EPB41L4A: variants seen among roughly 807,000 people sequenced by gnomAD.
EPB41L4A encodes the protein erythrocyte membrane protein band 4.1 like 4A, also known as band 4.1-like protein 4A.
A neutral mutation model predicts 108.6 loss-of-function variants in EPB41L4A; 100 were observed. That is an observed-to-expected ratio of 0.92 (90% confidence interval 0.78 to 1.09). EPB41L4A has a LOEUF of 1.09. Ranked by LOEUF, EPB41L4A falls within the 50% of genes least tolerant of loss-of-function variation. The pLI, the probability that EPB41L4A is intolerant of heterozygous loss-of-function variation, is 0.00. For synonymous variants in EPB41L4A, 319 were observed against 289.0 expected, an observed-to-expected ratio of 1.10 and a Z score of -1.05; for missense variants, 1,030 against 842.7, an observed-to-expected ratio of 1.22 and a Z score of -2.75.
At chr5:112,270,478 G>C (rs1294818039) in intron 4 of EPB41L4A, among the ~76,000 whole-genome samples, 1 of 152,108 alleles carries the variant, frequency 6.6e-6, no homozygotes, top group Non-Finnish European at 1.5e-5. Context: ...AAATAATGCA[G>C]AAAAATGGCA....
chr5:112,308,643 G>A (rs1754844993), intron 1 of EPB41L4A, among the ~76,000 whole-genome samples: 1 of 151,844 alleles, frequency 6.6e-6, no homozygotes, highest in African/African-American at 2.4e-5. Context: ...GAATCTTTAG[G>A]TTACTGGACA....
chr5:112,385,056 C>CT (rs1266782677), intron 1 of EPB41L4A, among the ~76,000 whole-genome samples: 3 of 152,094 alleles, frequency 2.0e-5, no homozygotes, highest in Admixed American at 2.0e-4. Flanking sequence ...TCAGCTTTAT[C>CT]TTTTTTAAGG....
At chr5:112,413,867 G>C (rs1762552799) in intron 1 of EPB41L4A, among the ~76,000 whole-genome samples, 1 of 152,210 alleles carries the variant, frequency 6.6e-6, no homozygotes, top group African/African-American at 2.4e-5. Flanking sequence ...AGATCAGGTA[G>C]GGTGCTAAGT....
In EPB41L4A at chr5:112,339,486, A is replaced by C. The variant is rs867687343; in HGVS notation, c.100-31996T>G. Among the ~76,000 whole-genome samples, 11 of 72,670 alleles carry C rather than the reference A, an allele frequency of 1.5e-4. 1 individual carries two copies. Among genetic ancestry groups the C allele is most frequent in the African/African-American group, 2.9e-4 (6 of 20,790 alleles). 47.7% of individuals were successfully genotyped at this position (72,670 alleles called of 152,430 possible). A position where few individuals can be genotyped will look rare whatever the true frequency, so the allele number is the denominator to read the frequency against. Reference sequence around the variant, plus strand: ...GATATATATATATCTATATATATATATATATATATCTATATATATATATAG... The same window carrying C: ...GATATATATATATCTATATATATATCTATATATATCTATATATATATATAG... On this transcript the variant is annotated intron_variant, in intron 1 of 22. Coordinates refer to ENST00000261486, the MANE Select transcript of EPB41L4A (RefSeq NM_022140.5).
rs1427380112 is a variant in EPB41L4A, at chr5:112,264,987, G to A, written c.463C>T (p.His155Tyr). 1.9e-6 allele frequency: 3 copies of A among 1,605,158 alleles called. No individual in the cohort carries two copies. The highest frequency in any genetic ancestry group is 2.5e-6 in the Non-Finnish European group (3 of 1,177,128). The part of the protein sequence containing the change: ...SELGDYDPYK[H>Y]TAGYVSEYRF... ...TACTCAGATACATATCCTGCAGTAT[G>A]TTTATATGGGTCATAATCTCCAAGC... Residue 155 changes from histidine (H) to tyrosine (Y), a missense_variant, in exon 6 of 23, where the codon CAT (histidine) becomes TAT (tyrosine). Coordinates refer to ENST00000261486, the MANE Select transcript of EPB41L4A (RefSeq NM_022140.5).
chr5:112,319,637 A>G (rs2150618531), intron 1 of EPB41L4A, among the ~76,000 whole-genome samples: 1 of 152,366 alleles, frequency 6.6e-6, no homozygotes, highest in East Asian at 1.9e-4. Flanking sequence ...ATTGAGGGAC[A>G]TTGTGCAAAA....
intron 18 of EPB41L4A, among the ~76,000 whole-genome samples, chr5:112,180,921 T>C (rs558179936): frequency 5.3e-4 from 81 of 152,278 alleles, no homozygotes; most frequent in African/African-American, 1.9e-3. Context: ...AAAATGAAGA[T>C]ATATGAATAA....
intron 17 of EPB41L4A, among the ~76,000 whole-genome samples, chr5:112,193,062 T>A (rs1224191257): frequency 6.6e-6 from 1 of 152,210 alleles, no homozygotes; most frequent in African/African-American, 2.4e-5. Context: ...TTGAGAAAGG[T>A]GTCGTAACAC....
At chr5:112,343,830 TTC>T (rs1337168234) in intron 1 of EPB41L4A, among the ~76,000 whole-genome samples, 2 of 152,238 alleles carry the variant, frequency 1.3e-5, no homozygotes, top group Admixed American at 6.5e-5. Flanking sequence ...CTCTTTTATA[TTC>T]TGATTCAAAC....
At chr5:112,372,184 C>G (rs993780708) in intron 1 of EPB41L4A, among the ~76,000 whole-genome samples, 8 of 152,146 alleles carry the variant, frequency 5.3e-5, no homozygotes, top group Non-Finnish European at 1.2e-4. Flanking sequence ...TTCTGCATGG[C>G]TAGGAAGCCC....
At chr5:112,261,518 T>A (rs1751481426) in intron 7 of EPB41L4A, among the ~76,000 whole-genome samples, 1 of 152,214 alleles carries the variant, frequency 6.6e-6, no homozygotes, top group South Asian at 2.1e-4. Context: ...TCCTCTTAAT[T>A]CAAAGGCAAA....
At chr5:112,379,189 A>C (rs531407741) in intron 1 of EPB41L4A, among the ~76,000 whole-genome samples, 96 of 152,314 alleles carry the variant, frequency 6.3e-4, no homozygotes, top group African/African-American at 2.2e-3. Flanking sequence ...AAAAGCATAT[A>C]CATGTCCCCC....
At chr5:112,292,108 G>A (rs540708708) in intron 2 of EPB41L4A, among the ~76,000 whole-genome samples, 1 of 152,112 alleles carries the variant, frequency 6.6e-6, no homozygotes, top group South Asian at 2.1e-4. Context: ...TCTTTTTATG[G>A]TCTGTCTCAC....
chr5:112,222,773 C>A (rs753631752), intron 12 of EPB41L4A, among the ~76,000 whole-genome samples: 13 of 152,136 alleles, frequency 8.5e-5, no homozygotes, highest in Non-Finnish European at 1.9e-4. Context: ...GAGAAGGAAT[C>A]TGGGCGGTTT....
chr5:112,212,880 C>A (rs753556257), intron 12 of EPB41L4A, among the ~76,000 whole-genome samples: 29 of 152,314 alleles, frequency 1.9e-4, no homozygotes, highest in Non-Finnish European at 3.7e-4. Context: ...TTTAGACTGA[C>A]TACTTTTTTC....
chr5:112,245,499 A>G (rs1750140113), intron 9 of EPB41L4A, among the ~76,000 whole-genome samples: 1 of 152,236 alleles, frequency 6.6e-6, no homozygotes, highest in Non-Finnish European at 1.5e-5. Flanking sequence ...AACAAAGCCA[A>G]CATGCACACA....
chr5:112,177,693 G>A (rs1260579869), intron 18 of EPB41L4A, among the ~76,000 whole-genome samples: 1 of 151,570 alleles, frequency 6.6e-6, no homozygotes, highest in African/African-American at 2.4e-5. Flanking sequence ...AAGCACAAGT[G>A]GAGCTATATT....
At chr5:112,290,177 T>C (rs55829200) in intron 2 of EPB41L4A, among the ~76,000 whole-genome samples, 23,383 of 152,122 alleles carry the variant, frequency 0.15, 1,936 homozygotes, top group African/African-American at 0.21. Context: ...AAAGACATCA[T>C]ACAAACTTTT....
chr5:112,315,609 T>C (rs1310730103), intron 1 of EPB41L4A, among the ~76,000 whole-genome samples: 4 of 152,186 alleles, frequency 2.6e-5, no homozygotes, highest in Non-Finnish European at 5.9e-5. Flanking sequence ...AAAATACACA[T>C]TTGTTTCAGT....
Sources: gnomAD v4.1 joint callset for allele counts (sites outside exome capture counted in the v4.1 genomes callset) on GRCh38, gnomAD v4.1.1 for gene constraint, MANE v1.5 for transcripts, NCBI Gene and HGNC (gene_info 2026-07-23, HGNC 2026-07-21) for gene names.